SLIT3: variants seen among roughly 807,000 people sequenced by gnomAD.
SLIT3 encodes the protein slit homolog 3 protein.
In SLIT3, 68 loss-of-function variants were observed where a neutral mutation model predicts 184.0. The observed-to-expected ratio is 0.37, with a 90% CI of 0.30 to 0.45. The LOEUF (loss-of-function observed/expected upper bound fraction) is 0.45. SLIT3 is among the 20% of genes least tolerant of loss of function. The pLI is 1.00. For missense variants in SLIT3, 1,707 were observed against 2,026.0 expected (o/e 0.84, Z 3.02); for synonymous variants, 831 against 828.6 (o/e 1.00, Z -0.05).
chr5:168,895,094 C>T (rs950084102), intron 4 of SLIT3, among the ~76,000 whole-genome samples: 2 of 152,150 alleles, frequency 1.3e-5, no homozygotes, highest in East Asian at 1.9e-4. Context: ...AGGAAGTCAG[C>T]GGGCTAAGGC....
chr5:168,897,313 G>C (rs1760701020), intron 4 of SLIT3, among the ~76,000 whole-genome samples: 1 of 152,142 alleles, frequency 6.6e-6, no homozygotes, highest in African/African-American at 2.4e-5. Flanking sequence ...CCATGGAGGA[G>C]GCTGCTCCAG....
At chr5:168,666,874 C>T (rs1761072271) in intron 35 of SLIT3, 185 bp from the exon 36 acceptor site, 10 of 923,434 alleles carry the variant, frequency 1.1e-5, no homozygotes, top group South Asian at 9.9e-5. Context: ...CTTTCCTGTA[C>T]CAGGCTCTCT....
At chr5:169,046,230 G>T (rs1444316332) in intron 4 of SLIT3, among the ~76,000 whole-genome samples, 1 of 152,126 alleles carries the variant, frequency 6.6e-6, no homozygotes, top group African/African-American at 2.4e-5. Flanking sequence ...GCAAATTAGG[G>T]GGCAGTAGGG....
chr5:168,795,899 A>G (rs1296465976), intron 9 of SLIT3, among the ~76,000 whole-genome samples: 1 of 152,140 alleles, frequency 6.6e-6, no homozygotes, highest in Non-Finnish European at 1.5e-5. Context: ...GAAGTAACCA[A>G]GCAGAATGCG....
At chr5:168,779,297 C>G (rs1295980405) in intron 12 of SLIT3, among the ~76,000 whole-genome samples, 1 of 152,178 alleles carries the variant, frequency 6.6e-6, no homozygotes, top group Non-Finnish European at 1.5e-5. Flanking sequence ...AGGGAGCCAC[C>G]TGAGGCTGAT....
At chr5:168,718,665 C>T (rs1015178707) in intron 23 of SLIT3, among the ~76,000 whole-genome samples, 1 of 144,324 alleles carries the variant, frequency 6.9e-6, no homozygotes, top group Admixed American at 7.0e-5. Context: ...GAAATGTATT[C>T]ATATCCACCC....
chr5:168,710,438 TAATAATGTTGGATTA>T (rs1762518800), intron 25 of SLIT3, among the ~76,000 whole-genome samples: 1 of 152,072 alleles, frequency 6.6e-6, no homozygotes, highest in Admixed American at 6.6e-5. Context: ...GCTTATGTTT[TAATAATGTTGGATTA>T]AAAAATGCAG....
chr5:169,155,252 A>G (rs1420809188), intron 4 of SLIT3, among the ~76,000 whole-genome samples: 2 of 152,230 alleles, frequency 1.3e-5, no homozygotes, highest in Admixed American at 1.3e-4. Context: ...TTCCCTATCA[A>G]CAGTCAGCTT....
chr5:169,000,476 G>A lies in SLIT3; in HGVS notation c.414-117140C>T, dbSNP rs559865483. Among the ~76,000 whole-genome samples, 4 of 149,618 alleles carry A rather than the reference G, an allele frequency of 2.7e-5. No individual in the cohort carries two copies. In the East Asian group the frequency reaches 5.9e-4, roughly 22 times the overall value. On this transcript the variant is annotated intron_variant, in intron 4 of 35. Transcript: ENST00000519560. ...AAATGGAAAGTTCAGTTGCATCAACGCTTAAGCCTACAATGAAGAATTACT... is the reference window on the plus strand; with the variant it reads ...AAATGGAAAGTTCAGTTGCATCAACACTTAAGCCTACAATGAAGAATTACT...
In SLIT3 at chr5:168,685,911, G is replaced by A. The variant is rs750066033; in HGVS notation, c.3331C>T (p.His1111Tyr). The A allele has an allele frequency of 4.7e-5, 76 of 1,610,840 alleles. No homozygotes were observed. Among genetic ancestry groups the A allele is most frequent in the Non-Finnish European group, 6.4e-5 (76 of 1,178,672 alleles). The change falls in exon 31 of 36, where the codon CAC becomes TAC. Residue 1111 changes from histidine to tyrosine, a missense_variant. Around this residue, in one of 3 missense-constraint regions of SLIT3, gnomAD observed 1,307 missense variants for 1,511.6 expected, o/e 0.86. Transcript: ENST00000519560. ...TGCAGTAGGACCATGGGTGGGGGGTGTTCACAGAAGGGTCCACTGGAAGGC... is the reference window on the plus strand; with the variant it reads ...TGCAGTAGGACCATGGGTGGGGGGTATTCACAGAAGGGTCCACTGGAAGGC... ...PQGFSGPFCEHPPPMVLLQTS... is the reference protein window; with the variant it reads ...PQGFSGPFCEYPPPMVLLQTS...
chr5:169,121,740 T>C (rs1279577422), intron 4 of SLIT3, among the ~76,000 whole-genome samples: 2 of 152,236 alleles, frequency 1.3e-5, no homozygotes, highest in African/African-American at 2.4e-5. Flanking sequence ...AAGTTTTCTG[T>C]AAGGCATCCT....
At chr5:169,225,410 T>A (rs527888461) in intron 3 of SLIT3, among the ~76,000 whole-genome samples, 11 of 152,314 alleles carry the variant, frequency 7.2e-5, no homozygotes, top group African/African-American at 2.6e-4. Flanking sequence ...GTGCTCTGAC[T>A]GGGATTCCAA....
chr5:169,137,962 G>T (rs540219341), intron 4 of SLIT3, among the ~76,000 whole-genome samples: 9 of 152,172 alleles, frequency 5.9e-5, no homozygotes, highest in African/African-American at 2.2e-4. Context: ...CCCTGAGTGG[G>T]ACATGTGATT....
chr5:168,746,527 G>A (rs1478059592), intron 20 of SLIT3, among the ~76,000 whole-genome samples: 2 of 128,698 alleles, frequency 1.6e-5, no homozygotes, highest in Non-Finnish European at 3.3e-5. Context: ...TGGCGTGGGT[G>A]TGGCGGTGTG....
At chr5:169,216,402 A>G (rs1241139697) in intron 3 of SLIT3, among the ~76,000 whole-genome samples, 1 of 152,160 alleles carries the variant, frequency 6.6e-6, no homozygotes, top group Non-Finnish European at 1.5e-5. Flanking sequence ...AGGAAGTTCT[A>G]ATACCCACCT....
intron 4 of SLIT3, among the ~76,000 whole-genome samples, chr5:168,961,858 A>ATGTGTG (rs35895529): frequency 0.015 from 2,294 of 148,496 alleles, 57 homozygotes; most frequent in East Asian, 0.1. Flanking sequence ...GCATGCACGC[A>ATGTGTG]TGTGTGTGTG....
At chr5:168,994,875 T>A (rs1307731152) in intron 4 of SLIT3, among the ~76,000 whole-genome samples, 1 of 151,886 alleles carries the variant, frequency 6.6e-6, no homozygotes, top group Non-Finnish European at 1.5e-5. Flanking sequence ...CTCCTGACTT[T>A]AAGTGATCCA....
chr5:169,162,554 A>G (rs1004870312), intron 4 of SLIT3, among the ~76,000 whole-genome samples: 1 of 152,184 alleles, frequency 6.6e-6, no homozygotes, highest in African/African-American at 2.4e-5. Context: ...TGCAAAGCAT[A>G]TTCCCTAATT....
At chr5:168,949,388 C>A (rs187621897) in intron 4 of SLIT3, among the ~76,000 whole-genome samples, 3 of 152,268 alleles carry the variant, frequency 2.0e-5, no homozygotes, top group Non-Finnish European at 4.4e-5. Context: ...ATGTCATACA[C>A]ATGTGGTTCC....
Sources: allele counts gnomAD v4.1 joint callset (sites outside exome capture counted in the v4.1 genomes callset), GRCh38; gene constraint gnomAD v4.1.1; regional missense constraint gnomAD v4.1.1; transcripts MANE v1.5; gene names NCBI Gene and HGNC (gene_info 2026-07-23, HGNC 2026-07-21).